SEZ6L: variants seen among roughly 807,000 people sequenced by gnomAD.
SEZ6L encodes the protein seizure 6-like protein.
A neutral mutation model predicts 106.2 loss-of-function variants in SEZ6L; 37 were observed. The ratio of observed to expected loss-of-function variants is 0.35; its 90% CI spans 0.27 to 0.46. SEZ6L has a LOEUF of 0.46. Among genes scored for constraint, SEZ6L ranks in the 20% least tolerant of loss-of-function variants. The pLI is 1.00. For synonymous variants in SEZ6L, 541 were observed against 570.4 expected, an observed-to-expected ratio of 0.95 and a Z score of 0.73; for missense variants, 1,172 against 1,332.8, an observed-to-expected ratio of 0.88 and a Z score of 1.88.
chr22:26,200,026 C>T (rs769510700), intron 1 of SEZ6L, among the ~76,000 whole-genome samples: 4 of 152,184 alleles, frequency 2.6e-5, no homozygotes, highest in East Asian at 3.9e-4. Flanking sequence ...ACTGAGACTA[C>T]GTAGTTAAGC....
At chr22:26,327,019 A>G (rs2082326197) in intron 9 of SEZ6L, among the ~76,000 whole-genome samples, 1 of 152,132 alleles carries the variant, frequency 6.6e-6, no homozygotes, top group South Asian at 2.1e-4. Flanking sequence ...CGGATTGGCC[A>G]CGCCAGGGCT....
chr22:26,227,871 G>C (rs1471066034), intron 1 of SEZ6L, among the ~76,000 whole-genome samples: 3 of 152,206 alleles, frequency 2.0e-5, no homozygotes, highest in Non-Finnish European at 1.5e-5. Flanking sequence ...TGCTCACTTA[G>C]TGATGGAAGA....
intron 1 of SEZ6L, among the ~76,000 whole-genome samples, chr22:26,256,656 A>G (rs544323980): frequency 3.3e-5 from 5 of 152,354 alleles, no homozygotes; most frequent in African/African-American, 9.6e-5. Context: ...AACCACTGCC[A>G]TAAGGCACTG....
chr22:26,228,632 G>A (rs1018445515), intron 1 of SEZ6L, among the ~76,000 whole-genome samples: 1 of 152,164 alleles, frequency 6.6e-6, no homozygotes, highest in African/African-American at 2.4e-5. Flanking sequence ...AGATGATGGT[G>A]GATCTAATCT....
intron 1 of SEZ6L, among the ~76,000 whole-genome samples, chr22:26,184,757 A>G (rs1219528161): frequency 6.6e-6 from 1 of 152,122 alleles, no homozygotes; most frequent in African/African-American, 2.4e-5. Flanking sequence ...CTACTCCTAC[A>G]ATAAAAGAAA....
intron 1 of SEZ6L, among the ~76,000 whole-genome samples, chr22:26,235,783 T>C (rs899954634): frequency 1.3e-5 from 2 of 151,738 alleles, no homozygotes; most frequent in Non-Finnish European, 2.9e-5. Context: ...GACAGAGGGG[T>C]AGAATAGAGG....
chr22:26,209,448 G>C (rs984356836), intron 1 of SEZ6L, among the ~76,000 whole-genome samples: 12 of 146,976 alleles, frequency 8.2e-5, no homozygotes, highest in Admixed American at 1.4e-4. Context: ...GAAAAGGAGA[G>C]GGAAGGAAGG....
At chr22:26,276,477 AT>A (rs1240087123) in intron 1 of SEZ6L, among the ~76,000 whole-genome samples, 1 of 152,230 alleles carries the variant, frequency 6.6e-6, no homozygotes, top group East Asian at 1.9e-4. Context: ...GTGGAGAGAA[AT>A]TGTTAACTTA....
At chr22:26,305,887 C>G in intron 5 of SEZ6L, 92 bp from the exon 6 acceptor site, 30 of 1,252,934 alleles carry the variant, frequency 2.4e-5, no homozygotes, top group Non-Finnish European at 3.1e-5. Context: ...CACTCACTTC[C>G]TTCTCTCTCT....
At position 26,250,731 on chromosome 22, in the gene SEZ6L, C is replaced by T. The variant is rs561944620; in HGVS notation, c.95-41675C>T. Among the ~76,000 whole-genome samples, 4 of 152,226 alleles carry T rather than the reference C, an allele frequency of 2.6e-5. No homozygotes were observed. In the East Asian group the frequency reaches 7.7e-4, roughly 29 times the overall value. On this transcript the variant is annotated intron_variant, in intron 1 of 16. Coordinates refer to ENST00000248933, the MANE Select transcript of SEZ6L (RefSeq NM_021115.5). ...GTATTTTATAGGGATTGCATTGTATCTGTAGATCACTTTTGGTAATATAGT... is the reference window on the plus strand; with the variant it reads ...GTATTTTATAGGGATTGCATTGTATTTGTAGATCACTTTTGGTAATATAGT...
intron 1 of SEZ6L, among the ~76,000 whole-genome samples, chr22:26,290,176 G>T (rs536600662): frequency 6.6e-6 from 1 of 152,334 alleles, no homozygotes; most frequent in Non-Finnish European, 1.5e-5. Context: ...TCTTTAAAAA[G>T]CAAACAAAGC....
Position 26,352,559 on chromosome 22 carries a change from T to TC in SEZ6L, c.2599+1317dup, listed in dbSNP as rs1442443283. 2.6e-5 allele frequency among the ~76,000 whole-genome samples: 4 copies of TC among 152,354 alleles called. 1 individual carries two copies. The highest frequency in any genetic ancestry group is 9.6e-5 in the African/African-American group (4 of 41,574). ...TATAGTGGCTATGTTTTGTGACTTCTCACAAGTACCTAAAACAGGCTTCAC... is the reference window on the plus strand; with the variant it reads ...TATAGTGGCTATGTTTTGTGACTTCTCCACAAGTACCTAAAACAGGCTTCAC... On this transcript the variant is annotated intron_variant, in intron 12 of 16. Transcript: ENST00000248933.
chr22:26,342,324 A>T (rs911801926), intron 10 of SEZ6L, among the ~76,000 whole-genome samples: 1 of 152,126 alleles, frequency 6.6e-6, no homozygotes, highest in Non-Finnish European at 1.5e-5. Flanking sequence ...TGCCACCACC[A>T]CTACCACAAA....
At chr22:26,194,978 T>A (rs568403702) in intron 1 of SEZ6L, among the ~76,000 whole-genome samples, 1 of 152,334 alleles carries the variant, frequency 6.6e-6, no homozygotes, top group East Asian at 1.9e-4. Flanking sequence ...ACTGACATGT[T>A]CCTTTTAATA....
At chr22:26,316,902 G>GA (rs1221112549) in intron 9 of SEZ6L, among the ~76,000 whole-genome samples, 35 of 126,714 alleles carry the variant, frequency 2.8e-4, no homozygotes, top group South Asian at 1.4e-3. Flanking sequence ...GAGAAAGAAA[G>GA]AAGAAAGAAA....
Position 26,323,005 on chromosome 22 carries a change from G to A in SEZ6L, c.2015+9103G>A, listed in dbSNP as rs115718891. On this transcript the variant is annotated intron_variant, in intron 9 of 16. Transcript: ENST00000248933. ...AATAAGGGAACTAACATTGGTGAAG[G>A]CATCGTAGAATAGAAGATCCGAGAG... Among the ~76,000 whole-genome samples, 388 of 152,300 alleles carry A rather than the reference G, an allele frequency of 2.5e-3. 2 individuals carry two copies. The highest frequency in any genetic ancestry group is 9.0e-3 in the African/African-American group (375 of 41,558).
rs2145883962 is a variant in SEZ6L, at chr22:26,292,833, G to A, written c.522G>A (p.Val174=). The change falls in exon 2 of 17, where the codon GTG becomes GTA. Residue 174 remains valine, a synonymous_variant. Coordinates refer to ENST00000248933, the MANE Select transcript of SEZ6L (RefSeq NM_021115.5). ...CACCGGGGGACCCGGACCCCATCGT[G>A]GCCTCCGAGGAGGCATCAGAAGTGC... ...PGPPGDPDPI[V]ASEEASEVPL... 1 of 1,614,044 alleles carries A rather than the reference G, an allele frequency of 6.2e-7. No homozygotes were observed. Among genetic ancestry groups the A allele is most frequent in the South Asian group, 1.1e-5 (1 of 91,062 alleles).
At chr22:26,228,411 C>G (rs989592817) in intron 1 of SEZ6L, among the ~76,000 whole-genome samples, 1 of 152,140 alleles carries the variant, frequency 6.6e-6, no homozygotes, top group African/African-American at 2.4e-5. Context: ...CACCCTGCCC[C>G]CTGCCCCAAT....
At chr22:26,284,287 TA>T (rs2080860686) in intron 1 of SEZ6L, among the ~76,000 whole-genome samples, 1 of 152,202 alleles carries the variant, frequency 6.6e-6, no homozygotes, top group African/African-American at 2.4e-5. Context: ...TAAGTGTTTT[TA>T]TATCAATACA....
Sources: gnomAD v4.1 joint callset for allele counts (sites outside exome capture counted in the v4.1 genomes callset) on GRCh38, gnomAD v4.1.1 for gene constraint, MANE v1.5 for transcripts, NCBI Gene and HGNC (gene_info 2026-07-23, HGNC 2026-07-21) for gene names.